EIF4EBP2: variants seen among roughly 807,000 people sequenced by gnomAD.
EIF4EBP2 encodes eukaryotic translation initiation factor 4E-binding protein 2.
EIF4EBP2 carries 5 observed loss-of-function variants against 10.3 expected under a neutral mutation model. That is an observed-to-expected ratio of 0.48 (90% confidence interval 0.25 to 1.02). EIF4EBP2 has a LOEUF of 1.02. EIF4EBP2 is among the 50% of genes least tolerant of loss of function. The pLI is 0.15. For synonymous variants in EIF4EBP2, 67 were observed against 61.1 expected, an observed-to-expected ratio of 1.10 and a Z score of -0.45; for missense variants, 188 against 162.2, an observed-to-expected ratio of 1.16 and a Z score of -0.86.
Position 70,424,661 on chromosome 10 carries a change from GTTTTC to G in EIF4EBP2, c.*2919_*2923del, listed in dbSNP as rs1845189941. ...CTTAACATCTTAGTGACCATTTGTAGTTTTCTTTTTATGAGGAACCCATGCTTCTA... is the reference window on the plus strand; with the variant it reads ...CTTAACATCTTAGTGACCATTTGTAGTTTTTATGAGGAACCCATGCTTCTA... On this transcript the variant is annotated 3_prime_UTR_variant, in exon 3 of 3. Coordinates refer to ENST00000373218, the MANE Select transcript of EIF4EBP2 (RefSeq NM_004096.5). 6.6e-6 allele frequency: 1 copy of G among 152,212 alleles called. No homozygotes were observed. The highest frequency in any genetic ancestry group is 2.4e-5 in the African/African-American group (1 of 41,448). 9.4% of individuals were successfully genotyped at this position (152,212 alleles called of 1,614,324 possible).
chr10:70,422,036 G>A lies in EIF4EBP2; in HGVS notation c.*289G>A, dbSNP rs185877554. Reference sequence around the variant, plus strand: ...CCTTAGAGGAAAACAGTTCAACTCTGACTTTCCTAGTTGTTTTTTTATTGA... The same window carrying A: ...CCTTAGAGGAAAACAGTTCAACTCTAACTTTCCTAGTTGTTTTTTTATTGA... On this transcript the variant is annotated 3_prime_UTR_variant, in exon 3 of 3. Coordinates refer to ENST00000373218, the MANE Select transcript of EIF4EBP2 (RefSeq NM_004096.5). 9 of 403,538 alleles carry A rather than the reference G, an allele frequency of 2.2e-5. No individual in the cohort carries two copies. The highest frequency in any genetic ancestry group is 1.8e-4 in the African/African-American group (9 of 50,444). The allele number at this position is 403,538 out of a possible 1,614,324, so 25.0% of individuals were successfully genotyped here. A position where few individuals can be genotyped will look rare whatever the true frequency, so the allele number is the denominator to read the frequency against.
In EIF4EBP2 at chr10:70,425,637, A is replaced by G. The variant is rs1845199361; in HGVS notation, c.*3890A>G. 1 of 152,216 alleles carries G rather than the reference A, an allele frequency of 6.6e-6. No individual in the cohort carries two copies. Among genetic ancestry groups the G allele is most frequent in the African/African-American group, 2.4e-5 (1 of 41,454 alleles). The allele number at this position is 152,216 out of a possible 1,614,324, so 9.4% of individuals were successfully genotyped here. On this transcript the variant is annotated 3_prime_UTR_variant, in exon 3 of 3. Transcript: ENST00000373218. ...GTAGTAGAAAATAATATGCCTGACTACCAACAGCTCAAGTATGCTTATTTG... is the reference window on the plus strand; with the variant it reads ...GTAGTAGAAAATAATATGCCTGACTGCCAACAGCTCAAGTATGCTTATTTG...
chr10:70,411,770 G>A (rs1161164285), intron 1 of EIF4EBP2, among the ~76,000 whole-genome samples: 4 of 152,074 alleles, frequency 2.6e-5, no homozygotes, highest in African/African-American at 7.2e-5. Flanking sequence ...CTTAGTTTGG[G>A]ATATTAATTC....
intron 1 of EIF4EBP2, 48 bp downstream of exon 1, chr10:70,404,594 C>T (rs1329500756): frequency 6.7e-7 from 1 of 1,486,110 alleles, no homozygotes; most frequent in East Asian, 2.9e-5. Flanking sequence ...CGCCGCGGTC[C>T]TCTAACTCCT....
At chr10:70,404,678 C>A in intron 1 of EIF4EBP2, 132 bp downstream of exon 1, 1 of 1,217,642 alleles carries the variant, frequency 8.2e-7, no homozygotes, top group Non-Finnish European at 1.1e-6. Flanking sequence ...GCCCTTGGGC[C>A]CGCCCGAGCG....
intron 1 of EIF4EBP2, among the ~76,000 whole-genome samples, chr10:70,416,405 C>T (rs901689669): frequency 6.6e-6 from 1 of 151,874 alleles, no homozygotes; most frequent in Non-Finnish European, 1.5e-5. Flanking sequence ...ATGGTGAAAC[C>T]CTGTCTCTAC....
intron 1 of EIF4EBP2, among the ~76,000 whole-genome samples, chr10:70,415,389 T>C (rs1406828721): frequency 6.6e-6 from 1 of 152,198 alleles, no homozygotes; most frequent in East Asian, 1.9e-4. Flanking sequence ...GACCTTCACA[T>C]TCAGCACAGT....
At chr10:70,416,338 T>G (rs149627071) in intron 1 of EIF4EBP2, among the ~76,000 whole-genome samples, 1 of 152,170 alleles carries the variant, frequency 6.6e-6, no homozygotes, top group South Asian at 2.1e-4. Context: ...CCTAACACTT[T>G]GGGAGGCCGA....
At chr10:70,420,607 T>C (rs1327589582) in intron 2 of EIF4EBP2, among the ~76,000 whole-genome samples, 1 of 152,176 alleles carries the variant, frequency 6.6e-6, no homozygotes, top group Non-Finnish European at 1.5e-5. Context: ...AAATCATAAA[T>C]CTGATGTAGT....
At position 70,423,380 on chromosome 10, in the gene EIF4EBP2, A is replaced by C. The variant is rs1475692862; in HGVS notation, c.*1633A>C. ...GCTATGGGTTGTTCAAGAAAGCCTCATTCTTTTCTGTGACCCTTTCGCTTT... is the reference window on the plus strand; with the variant it reads ...GCTATGGGTTGTTCAAGAAAGCCTCCTTCTTTTCTGTGACCCTTTCGCTTT... On this transcript the variant is annotated 3_prime_UTR_variant, in exon 3 of 3. Coordinates refer to ENST00000373218, the MANE Select transcript of EIF4EBP2 (RefSeq NM_004096.5). 2 of 152,614 alleles carry C rather than the reference A, an allele frequency of 1.3e-5. No individual in the cohort carries two copies. Among genetic ancestry groups the C allele is most frequent in the African/African-American group, 4.8e-5 (2 of 41,426 alleles). The allele number at this position is 152,614 out of a possible 1,614,324, so 9.5% of individuals were successfully genotyped here.
At position 70,404,351 on chromosome 10, in the gene EIF4EBP2, CG is replaced by C. The variant is rs1352490563; in HGVS notation, c.-50del. 1.4e-6 allele frequency: 2 copies of C among 1,416,446 alleles called. No homozygotes were observed. Among genetic ancestry groups the C allele is most frequent in the Admixed American group, 2.7e-5 (1 of 36,480 alleles). The allele number at this position is 1,416,446 out of a possible 1,614,324, so 87.7% of individuals were successfully genotyped here. On this transcript the variant is annotated 5_prime_UTR_variant, in exon 1 of 3. Transcript: ENST00000373218. ...TGAGGAGCCGAAGCAGCCCCGGCCC[CG>C]CCGCCGCCGCCTGCCCGCCGGACAA... is the stretch of plus-strand genomic sequence containing the variant.
rs1845194103 is a variant in EIF4EBP2 at position 70,425,176 on chromosome 10, CA to C, written c.*3430del. The stretch of plus-strand genomic sequence containing the variant: ...CCATGTGGGTCTCTGCGTAGGGCAG[CA>C]TGAGTGTCCTCACACCATGACACCT... On this transcript the variant is annotated 3_prime_UTR_variant, in exon 3 of 3. Coordinates refer to ENST00000373218, the MANE Select transcript of EIF4EBP2 (RefSeq NM_004096.5). 6.6e-6 allele frequency: 1 copy of C among 152,256 alleles called. No homozygotes were observed. Among genetic ancestry groups the C allele is most frequent in the Non-Finnish European group, 1.5e-5 (1 of 68,072 alleles). 9.4% of individuals were successfully genotyped at this position (152,256 alleles called of 1,614,324 possible). A position where few individuals can be genotyped will look rare whatever the true frequency, so the allele number is the denominator to read the frequency against.
In EIF4EBP2 at chr10:70,407,705, C is replaced by T. The variant is rs552402575; in HGVS notation, c.145+3159C>T. ...AGTAGGAGCGGCCGGGCAGAGGCGC[C>T]GCTCACCTCCCGGGCGGGGGGCTGA... On this transcript the variant is annotated intron_variant, in intron 1 of 2. Coordinates refer to ENST00000373218, the MANE Select transcript of EIF4EBP2 (RefSeq NM_004096.5). Among the ~76,000 whole-genome samples, 342 of 146,374 alleles carry T rather than the reference C, an allele frequency of 2.3e-3. 2 individuals are homozygous for T. Among genetic ancestry groups the T allele is most frequent in the African/African-American group, 6.9e-3 (273 of 39,654 alleles).
intron 1 of EIF4EBP2, among the ~76,000 whole-genome samples, chr10:70,409,004 G>T (rs890032269): frequency 6.6e-6 from 1 of 152,214 alleles, no homozygotes; most frequent in Non-Finnish European, 1.5e-5. Flanking sequence ...CATAACAACA[G>T]TTGATGGACC....
chr10:70,420,543 G>A (rs1346672964), intron 2 of EIF4EBP2, among the ~76,000 whole-genome samples: 1 of 152,006 alleles, frequency 6.6e-6, no homozygotes, highest in African/African-American at 2.4e-5. Flanking sequence ...ATGTCTCTAA[G>A]GTTTCCCTCC....
In EIF4EBP2 at chr10:70,404,311, G is replaced by C. The variant is rs1770584099; in HGVS notation, c.-91G>C. 4.9e-6 allele frequency: 7 copies of C among 1,417,370 alleles called. No individual in the cohort carries two copies. The highest frequency in any genetic ancestry group is 4.4e-5 in the South Asian group (3 of 68,084). 87.8% of individuals were successfully genotyped at this position (1,417,370 alleles called of 1,614,324 possible). ...AGCGAGCGAGGAGCGCGCAGAGCGC[G>C]CTTTTCCGTCCGCCTGAGGAGCCGA... On this transcript the variant is annotated 5_prime_UTR_variant, in exon 1 of 3. Transcript: ENST00000373218.
intron 1 of EIF4EBP2, among the ~76,000 whole-genome samples, chr10:70,411,522 A>G (rs1353352728): frequency 6.6e-6 from 1 of 152,194 alleles, no homozygotes; most frequent in African/African-American, 2.4e-5. Context: ...TTCCACTCTC[A>G]GAGAAACCAT....
At chr10:70,405,151 A>G (rs1844954082) in intron 1 of EIF4EBP2, among the ~76,000 whole-genome samples, 1 of 152,218 alleles carries the variant, frequency 6.6e-6, no homozygotes, top group Non-Finnish European at 1.5e-5. Context: ...GGAGAGCGTG[A>G]TAAAATAAAG....
intron 1 of EIF4EBP2, among the ~76,000 whole-genome samples, chr10:70,419,584 A>G (rs906341010): frequency 6.6e-6 from 1 of 152,126 alleles, no homozygotes; most frequent in African/African-American, 2.4e-5. Context: ...ACAGATGGAT[A>G]AACAGGAGTC....
Sources: gnomAD v4.1 joint callset for allele counts (sites outside exome capture counted in the v4.1 genomes callset) on GRCh38, gnomAD v4.1.1 for gene constraint, MANE v1.5 for transcripts, NCBI Gene and HGNC (gene_info 2026-07-23, HGNC 2026-07-21) for gene names.